Variants in PREX1 observed in about 807,000 individuals in gnomAD.
PREX1 encodes the protein phosphatidylinositol 3,4,5-trisphosphate-dependent Rac exchanger 1 protein.
In PREX1, 41 loss-of-function variants were observed where a neutral mutation model predicts 198.3. The ratio of observed to expected loss-of-function variants is 0.21; its 90% CI spans 0.16 to 0.27. The LOEUF (loss-of-function observed/expected upper bound fraction) is 0.27, where lower values mean the gene tolerates loss of function less well. Ranked by LOEUF, PREX1 falls within the 10% of genes least tolerant of loss-of-function variation. PREX1 has a pLI of 1.00. For synonymous variants in PREX1, 843 were observed against 887.2 expected, an observed-to-expected ratio of 0.95 and a Z score of 0.89; for missense variants, 1,620 against 2,200.7, an observed-to-expected ratio of 0.74 and a Z score of 5.28.
intron 3 of PREX1, among the ~76,000 whole-genome samples, chr20:48,742,796 T>C (rs1161906593): frequency 1.3e-5 from 2 of 152,056 alleles, no homozygotes; most frequent in African/African-American, 2.4e-5. Context: ...GAGGTGAGAA[T>C]AGCCCCGCTG....
At chr20:48,774,522 C>T (rs2090251989) in intron 1 of PREX1, among the ~76,000 whole-genome samples, 1 of 152,234 alleles carries the variant, frequency 6.6e-6, no homozygotes, top group African/African-American at 2.4e-5. Flanking sequence ...TTTCTTGTTG[C>T]ATGGCCTGAA....
At chr20:48,864,077 A>AT in the PREX1 span, among the ~76,000 whole-genome samples, 1 of 152,186 alleles carries the variant, frequency 6.6e-6, no homozygotes, top group East Asian at 1.9e-4. Flanking sequence ...AGGCTTATAC[A>AT]TTTTTTATAG....
At position 48,708,125 on chromosome 20, in the gene PREX1, C is replaced by G; in HGVS notation, c.783+135G>C. ...TGGATTTAATTGAAAAATAATTAAG[C>G]AATCTTTTGCAAACACTGTAGGCCA... On this transcript the variant is annotated intron_variant, in intron 6 of 39. Coordinates refer to ENST00000371941, the MANE Select transcript of PREX1 (RefSeq NM_020820.4). 3 of 933,284 alleles carry G rather than the reference C, an allele frequency of 3.2e-6. No individual in the cohort carries two copies. In the South Asian group the frequency reaches 6.4e-5, roughly 20 times the overall value. The allele number at this position is 933,284 out of a possible 1,614,324, so 57.8% of individuals were successfully genotyped here.
intron 5 of PREX1, among the ~76,000 whole-genome samples, chr20:48,713,425 CT>C (rs1317742909): frequency 3.3e-5 from 5 of 152,194 alleles, no homozygotes; most frequent in Non-Finnish European, 7.3e-5. Flanking sequence ...GCACTCCAGC[CT>C]GGGCAACAGA....
intron 1 of PREX1, among the ~76,000 whole-genome samples, chr20:48,795,497 G>A (rs1601140666): frequency 1.3e-5 from 2 of 151,738 alleles, no homozygotes; most frequent in East Asian, 3.9e-4. Context: ...CTTTTGGCTG[G>A]TGGGTAGAGC....
intron 5 of PREX1, among the ~76,000 whole-genome samples, chr20:48,711,164 T>A (rs1221146801): frequency 2.6e-5 from 4 of 152,156 alleles, no homozygotes; most frequent in African/African-American, 9.7e-5. Flanking sequence ...GCACAGAAGC[T>A]CTGTGCCTCA....
the PREX1 span, among the ~76,000 whole-genome samples, chr20:48,856,433 G>A: frequency 6.6e-6 from 1 of 152,182 alleles, no homozygotes; most frequent in Non-Finnish European, 1.5e-5. Context: ...TACCAGCACT[G>A]AGAGAGCCCA....
intron 6 of PREX1, among the ~76,000 whole-genome samples, chr20:48,703,801 G>T (rs759883250): frequency 6.6e-6 from 1 of 152,096 alleles, no homozygotes; most frequent in African/African-American, 2.4e-5. Context: ...CTGAAATGCC[G>T]AGCACACTAC....
chr20:48,817,119 T>C (rs1246841349), intron 1 of PREX1, among the ~76,000 whole-genome samples: 2 of 152,156 alleles, frequency 1.3e-5, no homozygotes, highest in Non-Finnish European at 2.9e-5. Context: ...TTCAGGTTCA[T>C]GGAGGGATTT....
At chr20:48,640,326 G>A (rs975850281) in intron 29 of PREX1, among the ~76,000 whole-genome samples, 1 of 152,188 alleles carries the variant, frequency 6.6e-6, no homozygotes, top group Non-Finnish European at 1.5e-5. Flanking sequence ...ACACAGAGTG[G>A]GAAAGTGACA....
At chr20:48,777,516 ATC>A (rs924483822) in intron 1 of PREX1, among the ~76,000 whole-genome samples, 2 of 152,164 alleles carry the variant, frequency 1.3e-5, no homozygotes, top group African/African-American at 4.8e-5. Context: ...CATCACAAAT[ATC>A]TGAGAACAAA....
chr20:48,878,674 C>T, the PREX1 span, among the ~76,000 whole-genome samples: 1 of 152,128 alleles, frequency 6.6e-6, no homozygotes, highest in African/African-American at 2.4e-5. Context: ...TGGCATCTGC[C>T]CTACCACACC....
chr20:48,693,098 G>A (rs147775754), intron 7 of PREX1, among the ~76,000 whole-genome samples: 1 of 152,220 alleles, frequency 6.6e-6, no homozygotes, highest in East Asian at 1.9e-4. Flanking sequence ...TTCTTGGCTA[G>A]AAAATGAGGA....
intron 5 of PREX1, among the ~76,000 whole-genome samples, chr20:48,725,288 G>A (rs1310262183): frequency 6.6e-6 from 1 of 152,234 alleles, no homozygotes; most frequent in African/African-American, 2.4e-5. Context: ...CTTCAGGACA[G>A]AGCCAGGACA....
At chr20:48,635,253 C>T (rs1365950025) in intron 32 of PREX1, among the ~76,000 whole-genome samples, 1 of 152,128 alleles carries the variant, frequency 6.6e-6, no homozygotes, top group Non-Finnish European at 1.5e-5. Context: ...ACTAAAACAT[C>T]CTCCAGACCC....
intron 1 of PREX1, among the ~76,000 whole-genome samples, chr20:48,817,586 A>G (rs2090464470): frequency 8.1e-6 from 1 of 123,476 alleles, no homozygotes; most frequent in Non-Finnish European, 2.0e-5. Flanking sequence ...AGGCGCAGAG[A>G]TAAGATTCAG....
intron 1 of PREX1, among the ~76,000 whole-genome samples, chr20:48,817,892 G>T (rs2090465693): frequency 6.6e-6 from 1 of 152,106 alleles, no homozygotes; most frequent in African/African-American, 2.4e-5. Context: ...TATTCTCTTG[G>T]CATGCCTGTG....
chr20:48,667,409 T>A (rs1266896428), intron 14 of PREX1, among the ~76,000 whole-genome samples: 1 of 152,148 alleles, frequency 6.6e-6, no homozygotes, highest in East Asian at 1.9e-4. Flanking sequence ...GAAAAACATC[T>A]TCCCCCCCAG....
At chr20:48,854,042 T>C in the PREX1 span, among the ~76,000 whole-genome samples, 4 of 152,188 alleles carry the variant, frequency 2.6e-5, no homozygotes, top group African/African-American at 4.8e-5. Context: ...ACCTTTGCAG[T>C]CAGGCAGCTG....
Sources: allele counts gnomAD v4.1 joint callset (sites outside exome capture counted in the v4.1 genomes callset), GRCh38; gene constraint gnomAD v4.1.1; transcripts MANE v1.5; gene names NCBI Gene and HGNC (gene_info 2026-07-23, HGNC 2026-07-21).